Variants in ASAP3 observed in about 807,000 individuals in gnomAD.
ASAP3 encodes arf-GAP with SH3 domain, ANK repeat and PH domain-containing protein 3.
In ASAP3, 85 loss-of-function variants were observed where a neutral mutation model predicts 118.2. The observed-to-expected ratio is 0.72, with a 90% CI of 0.60 to 0.86. The LOEUF (loss-of-function observed/expected upper bound fraction) is 0.86, where lower values mean the gene tolerates loss of function less well. Among genes scored for constraint, ASAP3 ranks in the 40% least tolerant of loss-of-function variants. The pLI is 0.00. For missense variants in ASAP3, 1,026 were observed against 1,175.0 expected, an observed-to-expected ratio of 0.87 and a Z score of 1.85; for synonymous variants, 432 against 477.4, an observed-to-expected ratio of 0.90 and a Z score of 1.24.
At chr1:23,462,275 C>T (rs1386908932) in intron 1 of ASAP3, among the ~76,000 whole-genome samples, 2 of 151,484 alleles carry the variant, frequency 1.3e-5, no homozygotes, top group African/African-American at 4.8e-5. Flanking sequence ...CCGCCTGCCT[C>T]GGCCTCCCAA....
intron 1 of ASAP3, among the ~76,000 whole-genome samples, chr1:23,476,101 T>C (rs1642120048): frequency 6.6e-6 from 1 of 152,174 alleles, no homozygotes; most frequent in Admixed American, 6.5e-5. Flanking sequence ...ATCTCAGCAC[T>C]TTGGGAGGCT....
At chr1:23,447,168 C>T (rs1641072913) in intron 5 of ASAP3, among the ~76,000 whole-genome samples, 1 of 152,188 alleles carries the variant, frequency 6.6e-6, no homozygotes, top group Non-Finnish European at 1.5e-5. Context: ...GGACCTGTAC[C>T]AGTCCATGGC....
At position 23,438,848 on chromosome 1, in the gene ASAP3, G is replaced by A. The variant is rs761288348; in HGVS notation, c.1015-14C>T. On this transcript the variant is annotated splice_polypyrimidine_tract_variant and intron_variant, in intron 11 of 24. Transcript: ENST00000336689. The surrounding 1 kb of genome is among the most constrained non-coding windows in gnomAD (Gnocchi z 4.9). ...GGGCCGGTTTATCTGTGGGAATTTA[G>A]GGGCGGAGGATGTATGCATTACCTC... 6 of 1,613,792 alleles carry A rather than the reference G, an allele frequency of 3.7e-6. No individual in the cohort carries two copies. Among genetic ancestry groups the A allele is most frequent in the Non-Finnish European group, 5.1e-6 (6 of 1,179,834 alleles).
rs190362960 is a variant in ASAP3 at position 23,428,851 on chromosome 1, T to C, written c.*1005A>G. Reference sequence around the variant, plus strand: ...TGGCTTAGGTGTATCTGCTTTCTCATTGGGGCTGAGCAATGATAGAATTTC... The same window carrying C: ...TGGCTTAGGTGTATCTGCTTTCTCACTGGGGCTGAGCAATGATAGAATTTC... On this transcript the variant is annotated 3_prime_UTR_variant, in exon 25 of 25. Coordinates refer to ENST00000336689, the MANE Select transcript of ASAP3 (RefSeq NM_017707.4). The C allele has an allele frequency of 3.5e-4, 54 of 154,924 alleles. No individual in the cohort carries two copies. The highest frequency in any genetic ancestry group is 1.1e-3 in the African/African-American group (46 of 41,650). The allele number at this position is 154,924 out of a possible 1,614,324, so 9.6% of individuals were successfully genotyped here. A position where few individuals can be genotyped will look rare whatever the true frequency, so the allele number is the denominator to read the frequency against.
chr1:23,463,110 A>G, intron 1 of ASAP3, among the ~76,000 whole-genome samples: 1 of 152,192 alleles, frequency 6.6e-6, no homozygotes, highest in East Asian at 1.9e-4. Context: ...CCATTCATTC[A>G]TTCATTTCAA....
intron 24 of ASAP3, 74 bp downstream of exon 24, chr1:23,430,961 C>T (rs1011846242): frequency 1.8e-5 from 25 of 1,381,770 alleles, no homozygotes; most frequent in Admixed American, 1.3e-4. Context: ...CACCCCAATA[C>T]GCCTACTCTT....
intron 1 of ASAP3, among the ~76,000 whole-genome samples, chr1:23,461,923 T>C (rs76531708): frequency 6.6e-6 from 1 of 152,218 alleles, no homozygotes; most frequent in Non-Finnish European, 1.5e-5. Flanking sequence ...AATCTCTTAT[T>C]TGAGCCACTG....
At position 23,436,967 on chromosome 1, in the gene ASAP3, G is replaced by A. The variant is rs373421354; in HGVS notation, c.1420C>T (p.Arg474Cys). Residue 474 changes from arginine to cysteine, a missense_variant, in exon 15 of 25, where the codon CGC becomes TGC. Coordinates refer to ENST00000336689, the MANE Select transcript of ASAP3 (RefSeq NM_017707.4). This position sits in a 1 kb window ranked among gnomAD's most constrained non-coding sequence, Gnocchi z 4.2. ...CSGVHRELGV[R>C]FSRMQSLTLD... ...GTGAGTGACTGCATGCGCGAAAAGCGCACGCCCAGTTCGCGGTGGACGCCC... is the reference window on the plus strand; with the variant it reads ...GTGAGTGACTGCATGCGCGAAAAGCACACGCCCAGTTCGCGGTGGACGCCC... The A allele has an allele frequency of 1.2e-5, 20 of 1,612,102 alleles. No homozygotes were observed. The highest frequency in any genetic ancestry group is 1.7e-5 in the Non-Finnish European group (20 of 1,179,640).
chr1:23,437,988 T>C lies in ASAP3; in HGVS notation c.1103-516A>G, dbSNP rs1640737348. Reference sequence around the variant, plus strand: ...TGCCAGGAAATAAGGTCCAAACTTTTAAGAGGGATTTCCAGGCCTCATCTC... The same window carrying C: ...TGCCAGGAAATAAGGTCCAAACTTTCAAGAGGGATTTCCAGGCCTCATCTC... On this transcript the variant is annotated intron_variant, in intron 12 of 24. Transcript: ENST00000336689. This position sits in a 1 kb window ranked among gnomAD's most constrained non-coding sequence, Gnocchi z 6.1. 6.6e-6 allele frequency among the ~76,000 whole-genome samples: 1 copy of C among 152,108 alleles called. No homozygotes were observed. The highest frequency in any genetic ancestry group is 1.5e-5 in the Non-Finnish European group (1 of 68,026).
chr1:23,480,978 T>C (rs1642287571), intron 1 of ASAP3, among the ~76,000 whole-genome samples: 1 of 152,126 alleles, frequency 6.6e-6, no homozygotes, highest in Non-Finnish European at 1.5e-5. Context: ...AAGGATAAAA[T>C]AACAAGGTTC....
At chr1:23,433,733 A>C in intron 19 of ASAP3, 40 bp from the exon 20 acceptor site, 2 of 1,612,820 alleles carry the variant, frequency 1.2e-6, no homozygotes, top group Non-Finnish European at 1.7e-6. Context: ...TCATAGTCAA[A>C]GAAACATTAC....
At position 23,431,720 on chromosome 1, in the gene ASAP3, T is replaced by C. The variant is rs780367200; in HGVS notation, c.2522A>G (p.Glu841Gly). 1.7e-5 allele frequency: 26 copies of C among 1,520,884 alleles called. No homozygotes were observed. The highest frequency in any genetic ancestry group is 3.5e-6 in the Non-Finnish European group (4 of 1,139,922). The allele number at this position is 1,520,884 out of a possible 1,614,324, so 94.2% of individuals were successfully genotyped here. ...CCTGAATCTGACGGGGAGGTACATC[T>C]CCGAAGGGGTGGTCCCGGATGTCAG... ...PSLTSGTTPSEMYLPVRFSSE... is the reference protein window; with the variant it reads ...PSLTSGTTPSGMYLPVRFSSE... The change falls in exon 23 of 25, where the codon GAG becomes GGG. Residue 841 changes from glutamate (E) to glycine (G), a missense_variant. Transcript: ENST00000336689.
intron 1 of ASAP3, among the ~76,000 whole-genome samples, chr1:23,482,417 G>A (rs1219971189): frequency 2.0e-5 from 3 of 152,136 alleles, no homozygotes; most frequent in African/African-American, 7.2e-5. Context: ...AGCTGCTTGG[G>A]AGGCTGAGGA....
At chr1:23,454,826 G>T (rs1485585512) in intron 3 of ASAP3, among the ~76,000 whole-genome samples, 2 of 152,260 alleles carry the variant, frequency 1.3e-5, no homozygotes, top group Non-Finnish European at 2.9e-5. Context: ...GAGGTAGGCA[G>T]CATTATTATC....
At chr1:23,461,522 C>G (rs1194662232) in intron 1 of ASAP3, among the ~76,000 whole-genome samples, 1 of 151,880 alleles carries the variant, frequency 6.6e-6, no homozygotes, top group Admixed American at 6.6e-5. Context: ...AAAAACCAGG[C>G]ATGGGGCATG....
intron 1 of ASAP3, among the ~76,000 whole-genome samples, chr1:23,483,165 A>G (rs1642365478): frequency 2.6e-5 from 4 of 152,206 alleles, no homozygotes; most frequent in African/African-American, 7.2e-5. Flanking sequence ...AGTACACTTA[A>G]GGTGAAGGGT....
In ASAP3 at chr1:23,438,470, T is replaced by A. The variant is rs1787647; in HGVS notation, c.1102+277A>T. On this transcript the variant is annotated intron_variant, in intron 12 of 24. Transcript: ENST00000336689. This position sits in a 1 kb window ranked among gnomAD's most constrained non-coding sequence, Gnocchi z 4.9. ...TATTTGGGAAAAAAAGGTAAAATTT[T>A]AAAAAAAGAAATAATTTCAAAACCC... is the stretch of plus-strand genomic sequence containing the variant. Among the ~76,000 whole-genome samples the A allele has an allele frequency of 0.078, 11,857 of 152,200 alleles. 1,520 individuals are homozygous for A. Among genetic ancestry groups the A allele is most frequent in the African/African-American group, 0.26 (10,896 of 41,494 alleles).
intron 1 of ASAP3, among the ~76,000 whole-genome samples, chr1:23,483,652 G>A (rs1331259333): frequency 2.0e-5 from 3 of 152,294 alleles, no homozygotes; most frequent in East Asian, 1.9e-4. Context: ...GGAGTGACTC[G>A]GGGGGCACAC....
intron 1 of ASAP3, among the ~76,000 whole-genome samples, chr1:23,458,318 C>T (rs1178190549): frequency 1.3e-5 from 2 of 151,734 alleles, no homozygotes; most frequent in African/African-American, 2.4e-5. Flanking sequence ...TTGTCTCTAC[C>T]GAAAAGAAAA....
Sources: gnomAD v4.1 joint callset for allele counts (sites outside exome capture counted in the v4.1 genomes callset) on GRCh38, gnomAD v4.1.1 for gene constraint, Gnocchi (gnomAD v3.1) non-coding constraint, MANE v1.5 for transcripts, NCBI Gene and HGNC (gene_info 2026-07-23, HGNC 2026-07-21) for gene names.